SULF2: variants seen among roughly 807,000 people sequenced by gnomAD.
SULF2 encodes the protein extracellular sulfatase Sulf-2.
SULF2 carries 52 observed loss-of-function variants against 107.7 expected under a neutral mutation model. That is an observed-to-expected ratio of 0.48 (90% CI 0.39 to 0.61). SULF2 has a LOEUF of 0.61. Ranked by LOEUF, SULF2 falls within the 20% of genes least tolerant of loss-of-function variation. The pLI is 0.00. For missense variants in SULF2, 993 were observed against 1,177.3 expected (o/e 0.84, Z 2.29); for synonymous variants, 460 against 464.3 (o/e 0.99, Z 0.12).
intron 3 of SULF2, among the ~76,000 whole-genome samples, chr20:47,729,576 T>G (rs1455546743): frequency 3.4e-5 from 5 of 148,168 alleles, no homozygotes; most frequent in Admixed American, 1.3e-4. Flanking sequence ...GAATGTGGAG[T>G]GTGAAAGGAA....
chr20:47,671,028 A>T (rs1342588381), intron 11 of SULF2, among the ~76,000 whole-genome samples: 1 of 152,148 alleles, frequency 6.6e-6, no homozygotes, highest in Non-Finnish European at 1.5e-5. Context: ...TTCAGGGCAC[A>T]GGCTCATTCT....
intron 8 of SULF2, 48 bp from the exon 9 acceptor site, chr20:47,677,182 A>G (rs1207993947): frequency 6.2e-7 from 1 of 1,606,738 alleles, no homozygotes; most frequent in Non-Finnish European, 8.5e-7. Context: ...AGGGCTTCCC[A>G]CGACCCCCCG....
Position 47,658,298 on chromosome 20 carries a change from T to C in SULF2, c.*64A>G. 6.3e-7 allele frequency: 1 copy of C among 1,575,086 alleles called. No individual in the cohort carries two copies. The highest frequency in any genetic ancestry group is 8.7e-7 in the Non-Finnish European group (1 of 1,144,432). ...GGTCTGCTGGAAATCACCCACATGG[T>C]TTTTCATTGCCTGTGCAGTCAGGTG... On this transcript the variant is annotated 3_prime_UTR_variant, in exon 21 of 21. Coordinates refer to ENST00000688720, the MANE Select transcript of SULF2 (RefSeq NM_001387048.1).
At chr20:47,683,828 A>T (rs2087908332) in intron 6 of SULF2, among the ~76,000 whole-genome samples, 1 of 152,262 alleles carries the variant, frequency 6.6e-6, no homozygotes, top group South Asian at 2.1e-4. Flanking sequence ...AGGGGGACTG[A>T]TTCATGCGAC....
intron 3 of SULF2, among the ~76,000 whole-genome samples, chr20:47,727,039 A>G (rs1215772452): frequency 1.5e-5 from 2 of 136,930 alleles, no homozygotes; most frequent in African/African-American, 2.6e-5. Flanking sequence ...TCAGTTTGAC[A>G]TCGGCTCTGC....
At chr20:47,754,872 A>G (rs1239120456) in intron 2 of SULF2, among the ~76,000 whole-genome samples, 2 of 152,100 alleles carry the variant, frequency 1.3e-5, no homozygotes, top group Non-Finnish European at 2.9e-5. Context: ...GTTTTGTTCT[A>G]TTGCCCAGGC....
intron 20 of SULF2, 139 bp downstream of exon 20, chr20:47,659,260 C>CA: frequency 1.4e-6 from 1 of 718,114 alleles, no homozygotes. Context: ...GAAAGATGTG[C>CA]ATTAGTACTT....
At chr20:47,686,703 T>C (rs1400132224) in intron 5 of SULF2, among the ~76,000 whole-genome samples, 2 of 152,108 alleles carry the variant, frequency 1.3e-5, no homozygotes, top group East Asian at 1.9e-4. Context: ...GGGGCAGAAA[T>C]TGTGACGCTG....
chr20:47,763,080 C>T (rs918536130), intron 1 of SULF2, among the ~76,000 whole-genome samples: 2 of 152,090 alleles, frequency 1.3e-5, no homozygotes, highest in African/African-American at 2.4e-5. Flanking sequence ...GTGGCTGAAC[C>T]GAGAGAGCAC....
chr20:47,677,175 G>A (rs1274419948), intron 8 of SULF2, 41 bp from the exon 9 acceptor site: 3 of 1,610,540 alleles, frequency 1.9e-6, no homozygotes. Context: ...CAACATGAGG[G>A]CTTCCCACGA....
At chr20:47,713,761 A>AAT (rs35035083) in intron 3 of SULF2, among the ~76,000 whole-genome samples, 1,634 of 151,226 alleles carry the variant, frequency 0.011, 37 homozygotes, top group African/African-American at 0.037. Flanking sequence ...GAAAAAAAAA[A>AAT]AATAATAAAA....
At chr20:47,709,030 T>C (rs1472520086) in intron 3 of SULF2, among the ~76,000 whole-genome samples, 1 of 152,210 alleles carries the variant, frequency 6.6e-6, no homozygotes, top group East Asian at 1.9e-4. Flanking sequence ...CATTTGATTA[T>C]ATTTCCCCAA....
At position 47,756,769 on chromosome 20, in the gene SULF2, C is replaced by T. The variant is rs150800083; in HGVS notation, c.175+420G>A. Among the ~76,000 whole-genome samples the T allele has an allele frequency of 3.6e-3, 553 of 152,086 alleles. 4 individuals carry two copies. Among genetic ancestry groups the T allele is most frequent in the African/African-American group, 0.012 (508 of 41,496 alleles). On this transcript the variant is annotated intron_variant, in intron 2 of 20. Coordinates refer to ENST00000688720, the MANE Select transcript of SULF2 (RefSeq NM_001387048.1). ...CAAGTGATTCTTGTGCCCCAGTCTC[C>T]TCAGTAGCTGGGGTTACAGGTGTGC...
At chr20:47,669,487 A>G (rs1182807401) in intron 11 of SULF2, among the ~76,000 whole-genome samples, 1 of 152,200 alleles carries the variant, frequency 6.6e-6, no homozygotes, top group Non-Finnish European at 1.5e-5. Context: ...GTGACAGCCA[A>G]AACTGTCTCC....
chr20:47,782,019 C>T (rs528998093), intron 1 of SULF2, among the ~76,000 whole-genome samples: 2 of 152,320 alleles, frequency 1.3e-5, no homozygotes, highest in South Asian at 4.1e-4. Flanking sequence ...AGTAAGTCCA[C>T]TTCTTTTCTC....
At chr20:47,737,751 C>CTTTTT (rs1568881263) in intron 2 of SULF2, among the ~76,000 whole-genome samples, 3 of 95,074 alleles carry the variant, frequency 3.2e-5, no homozygotes, top group Admixed American at 1.1e-4. Flanking sequence ...TCTTTCTTTT[C>CTTTTT]TTTGTTTTTT....
chr20:47,757,355 G>C lies in SULF2; in HGVS notation c.9C>G (p.Pro3=). The C allele has an allele frequency of 6.3e-7, 1 of 1,589,648 alleles. No individual in the cohort carries two copies. The highest frequency in any genetic ancestry group is 8.6e-7 in the Non-Finnish European group (1 of 1,165,018). MG[P]PSLVLCLLSA... ...ACAGCAAGCACAGCACGAGGCTCGGGGGGCCCATCTTCTTTTTTTGCTGAT... is the reference window on the plus strand; with the variant it reads ...ACAGCAAGCACAGCACGAGGCTCGGCGGGCCCATCTTCTTTTTTTGCTGAT... The change falls in exon 2 of 21, where the codon CCC becomes CCG. Residue 3 remains proline (P), a synonymous_variant. Transcript: ENST00000688720.
chr20:47,748,871 C>T (rs932449054), intron 2 of SULF2, among the ~76,000 whole-genome samples: 2 of 152,196 alleles, frequency 1.3e-5, no homozygotes, highest in African/African-American at 4.8e-5. Flanking sequence ...GTGGTTTCCT[C>T]GCACTTGCTC....
At chr20:47,768,637 CTTT>C (rs1293358868) in intron 1 of SULF2, among the ~76,000 whole-genome samples, 2 of 152,248 alleles carry the variant, frequency 1.3e-5, no homozygotes, top group Non-Finnish European at 1.5e-5. Flanking sequence ...GCCCATCCTT[CTTT>C]GACAACTGAT....
Sources: allele counts gnomAD v4.1 joint callset (sites outside exome capture counted in the v4.1 genomes callset), GRCh38; gene constraint gnomAD v4.1.1; transcripts MANE v1.5; gene names NCBI Gene and HGNC (gene_info 2026-07-23, HGNC 2026-07-21).